COLEC10: variants seen among roughly 807,000 people sequenced by gnomAD.
COLEC10 encodes collectin-10.
In COLEC10, 22 loss-of-function variants were observed where a neutral mutation model predicts 28.4. That is an observed-to-expected ratio of 0.78 (90% confidence interval 0.55 to 1.11). The LOEUF is 1.11. Ranked by LOEUF, COLEC10 falls within the 50% of genes least tolerant of loss-of-function variation. COLEC10 has a pLI of 0.00. For missense variants in COLEC10, 361 were observed against 344.1 expected (o/e 1.05, Z -0.39); for synonymous variants, 125 against 116.1 (o/e 1.08, Z -0.49).
chr8:119,072,738 G>A (rs758716681), intron 1 of COLEC10, among the ~76,000 whole-genome samples: 1 of 152,048 alleles, frequency 6.6e-6, no homozygotes, highest in Non-Finnish European at 1.5e-5. Flanking sequence ...GCACACACCT[G>A]AGTGTCAGAC....
chr8:119,041,075 T>A (rs1470214737), intron 2 of COLEC10, among the ~76,000 whole-genome samples: 1 of 152,216 alleles, frequency 6.6e-6, no homozygotes, highest in African/African-American at 2.4e-5. Context: ...GAAACTTCAC[T>A]TTTACTTTGA....
the COLEC10 span, among the ~76,000 whole-genome samples, chr8:118,974,102 G>A: frequency 2.0e-5 from 3 of 151,762 alleles, no homozygotes; most frequent in East Asian, 5.8e-4. Context: ...TTTCTAAAAG[G>A]CCTTTCTAGT....
intron 2 of COLEC10, among the ~76,000 whole-genome samples, chr8:119,037,457 A>C (rs573678126): frequency 6.6e-6 from 1 of 152,224 alleles, no homozygotes; most frequent in East Asian, 1.9e-4. Flanking sequence ...TTAACAAGTT[A>C]TTCAGCACTG....
chr8:119,046,424 C>T (rs982022661), intron 2 of COLEC10, among the ~76,000 whole-genome samples: 2 of 152,086 alleles, frequency 1.3e-5, no homozygotes, highest in African/African-American at 2.4e-5. Context: ...TGGCTCTATA[C>T]AGATTATAAT....
At chr8:119,032,672 A>ATCCT (rs1410208093) in intron 2 of COLEC10, among the ~76,000 whole-genome samples, 1 of 152,140 alleles carries the variant, frequency 6.6e-6, no homozygotes, top group Non-Finnish European at 1.5e-5. Context: ...GAGGCCCAGG[A>ATCCT]GGTCGGATCA....
intron 1 of COLEC10, among the ~76,000 whole-genome samples, chr8:119,006,932 A>G (rs1285226380): frequency 6.6e-6 from 1 of 152,094 alleles, no homozygotes; most frequent in Non-Finnish European, 1.5e-5. Context: ...AACTAGGTCA[A>G]TATGACTGAG....
At chr8:119,036,220 A>G (rs1209008025) in intron 2 of COLEC10, among the ~76,000 whole-genome samples, 2 of 152,208 alleles carry the variant, frequency 1.3e-5, no homozygotes, top group Non-Finnish European at 2.9e-5. Flanking sequence ...AAAAAAACAA[A>G]TTTTATGTAC....
At chr8:118,970,624 CTT>C in the COLEC10 span, among the ~76,000 whole-genome samples, 2 of 143,814 alleles carry the variant, frequency 1.4e-5, no homozygotes, top group Non-Finnish European at 3.1e-5. Flanking sequence ...TTTTCTTTCT[CTT>C]TTTTTTTTTC....
At chr8:119,023,064 T>C (rs75995181) in intron 2 of COLEC10, among the ~76,000 whole-genome samples, 92 of 152,232 alleles carry the variant, frequency 6.0e-4, no homozygotes, top group Non-Finnish European at 1.1e-3. Context: ...GGTTTATATC[T>C]CTCTTGCTTC....
intron 1 of COLEC10, among the ~76,000 whole-genome samples, chr8:119,085,003 G>T (rs1388683545): frequency 6.6e-6 from 1 of 152,152 alleles, no homozygotes; most frequent in Non-Finnish European, 1.5e-5. Flanking sequence ...AATGAGACAG[G>T]CATGGTGTTG....
At chr8:118,972,178 G>C in the COLEC10 span, among the ~76,000 whole-genome samples, 1 of 151,736 alleles carries the variant, frequency 6.6e-6, no homozygotes, top group Admixed American at 6.6e-5. Context: ...AGTTATGTTG[G>C]GCTTGTAACC....
intron 1 of COLEC10, among the ~76,000 whole-genome samples, chr8:119,083,195 T>C (rs1481850482): frequency 1.3e-5 from 2 of 152,190 alleles, no homozygotes; most frequent in Admixed American, 6.5e-5. Flanking sequence ...TCACGTGTTC[T>C]GGGATGAGTC....
At chr8:119,053,045 G>C (rs906489483) in intron 2 of COLEC10, among the ~76,000 whole-genome samples, 1 of 152,094 alleles carries the variant, frequency 6.6e-6, no homozygotes. Context: ...ATACTGGCTA[G>C]AGAATTCTGA....
intron 2 of COLEC10, among the ~76,000 whole-genome samples, chr8:119,060,450 T>C (rs768925556): frequency 6.6e-6 from 1 of 152,142 alleles, no homozygotes; most frequent in Non-Finnish European, 1.5e-5. Context: ...GCTATTGATT[T>C]CCAAACCTAT....
At chr8:119,032,626 G>A (rs1052363768) in intron 2 of COLEC10, among the ~76,000 whole-genome samples, 6 of 152,298 alleles carry the variant, frequency 3.9e-5, no homozygotes, top group African/African-American at 7.2e-5. Flanking sequence ...CTTCTGCCCC[G>A]CGCGGTGGCT....
At chr8:119,070,444 TCGCTCTC>T in intron 1 of COLEC10, among the ~76,000 whole-genome samples, 1 of 126,114 alleles carries the variant, frequency 7.9e-6, no homozygotes, top group East Asian at 3.1e-4. Flanking sequence ...ATGTTCTCCC[TCGCTCTC>T]TCTCTCTCTC....
At chr8:118,960,838 T>C in the COLEC10 span, among the ~76,000 whole-genome samples, 158 of 147,648 alleles carry the variant, frequency 1.1e-3, 1 homozygote, top group Non-Finnish European at 1.5e-3. Flanking sequence ...AGTAGAAGGA[T>C]TAGGAGGAAG....
At chr8:119,003,382 G>T (rs998825995) in intron 1 of COLEC10, among the ~76,000 whole-genome samples, 1 of 152,012 alleles carries the variant, frequency 6.6e-6, no homozygotes, top group Non-Finnish European at 1.5e-5. Context: ...AGTTGGTTTG[G>T]CCCCCAAATG....
chr8:119,098,077 G>A (rs768049110), intron 3 of COLEC10, among the ~76,000 whole-genome samples: 7 of 151,894 alleles, frequency 4.6e-5, no homozygotes, highest in Non-Finnish European at 8.8e-5. Flanking sequence ...CCAGATTAAA[G>A]TTATTGTTTC....
Sources: allele counts gnomAD v4.1 joint callset (sites outside exome capture counted in the v4.1 genomes callset), GRCh38; gene constraint gnomAD v4.1.1; transcripts MANE v1.5; gene names NCBI Gene and HGNC (gene_info 2026-07-23, HGNC 2026-07-21).